Variants in APPBP2 observed in about 807,000 individuals in gnomAD.
The protein encoded by APPBP2 is amyloid protein-binding protein 2.
Under a neutral mutation model 76.0 loss-of-function variants are expected in APPBP2, and 15 were observed. That is an observed-to-expected ratio of 0.20 (90% CI 0.13 to 0.30). The LOEUF (loss-of-function observed/expected upper bound fraction) is 0.30, where lower values mean the gene tolerates loss of function less well. Ranked by LOEUF, APPBP2 falls within the 10% of genes least tolerant of loss-of-function variation. The pLI, the probability that APPBP2 is intolerant of heterozygous loss-of-function variation, is 1.00. For missense variants in APPBP2, 401 were observed against 687.2 expected, an observed-to-expected ratio of 0.58 and a Z score of 4.66; for synonymous variants, 222 against 242.2, an observed-to-expected ratio of 0.92 and a Z score of 0.77.
At chr17:60,498,255 A>G (rs181873700) in intron 2 of APPBP2, among the ~76,000 whole-genome samples, 47 of 152,308 alleles carry the variant, frequency 3.1e-4, no homozygotes, top group Admixed American at 1.2e-3. Context: ...CTAAACTTCC[A>G]AAGTGTTAAC....
At chr17:60,519,290 C>G (rs1297517851) in intron 1 of APPBP2, among the ~76,000 whole-genome samples, 1 of 152,022 alleles carries the variant, frequency 6.6e-6, no homozygotes, top group Non-Finnish European at 1.5e-5. Flanking sequence ...TTGACATTTT[C>G]ATGATTTGTA....
chr17:60,519,606 T>G (rs1478670744), intron 1 of APPBP2, among the ~76,000 whole-genome samples: 3 of 151,240 alleles, frequency 2.0e-5, no homozygotes, highest in African/African-American at 7.3e-5. Flanking sequence ...AAGGTTGCAG[T>G]GAGATATGAT....
intron 1 of APPBP2, 48 bp downstream of exon 1, chr17:60,525,746 C>T (rs1410123910): frequency 8.1e-6 from 13 of 1,608,024 alleles, no homozygotes; most frequent in Non-Finnish European, 1.0e-5. Flanking sequence ...GGGGGTGCGG[C>T]CCCCGGGGTT....
chr17:60,505,105 T>C (rs980036112), intron 1 of APPBP2, among the ~76,000 whole-genome samples: 1 of 152,190 alleles, frequency 6.6e-6, no homozygotes, highest in Non-Finnish European at 1.5e-5. Flanking sequence ...ATACAATGCT[T>C]ATATATATGG....
chr17:60,505,343 T>C (rs1215038836), intron 1 of APPBP2, among the ~76,000 whole-genome samples: 1 of 152,108 alleles, frequency 6.6e-6, no homozygotes, highest in East Asian at 1.9e-4. Flanking sequence ...TGAGACGGAG[T>C]CTCGCTCTGT....
At chr17:60,495,989 A>G (rs533139142) in intron 2 of APPBP2, among the ~76,000 whole-genome samples, 5 of 152,362 alleles carry the variant, frequency 3.3e-5, no homozygotes, top group African/African-American at 7.2e-5. Flanking sequence ...AAGCAACAAC[A>G]TGAATGAACC....
At chr17:60,522,688 C>T (rs1344634881) in intron 1 of APPBP2, among the ~76,000 whole-genome samples, 4 of 151,840 alleles carry the variant, frequency 2.6e-5, no homozygotes, top group African/African-American at 9.7e-5. Flanking sequence ...AGGATAATAC[C>T]TTAATTTATG....
intron 9 of APPBP2, among the ~76,000 whole-genome samples, chr17:60,457,556 A>T (rs370929305): frequency 7.0e-4 from 107 of 152,028 alleles, no homozygotes; most frequent in African/African-American, 2.3e-3. Context: ...CCTCCCGGAT[A>T]GGTGGGTTAC....
At chr17:60,520,231 TTTTTA>T (rs1162457171) in intron 1 of APPBP2, among the ~76,000 whole-genome samples, 5 of 152,194 alleles carry the variant, frequency 3.3e-5, no homozygotes, top group Admixed American at 2.0e-4. Flanking sequence ...ATGGTATTTA[TTTTTA>T]TTTTGTTTTT....
chr17:60,518,527 T>TGTGTGTGTGTGTGTGTGTGTGA (rs1228556905), intron 1 of APPBP2, among the ~76,000 whole-genome samples: 2 of 151,166 alleles, frequency 1.3e-5, no homozygotes, highest in African/African-American at 4.9e-5. Context: ...TGTGTGTGTG[T>TGTGTGTGTGTGTGTGTGTGTGA]GAAAGAGAGA....
intron 1 of APPBP2, among the ~76,000 whole-genome samples, chr17:60,516,512 T>C (rs1281588745): frequency 2.0e-5 from 3 of 152,208 alleles, no homozygotes; most frequent in Non-Finnish European, 1.5e-5. Flanking sequence ...ATTTCACTCA[T>C]TATCATTTGC....
rs532815918 is a variant in APPBP2, at chr17:60,479,013, G to A, written c.503+135C>T. 4.7e-5 allele frequency: 38 copies of A among 813,886 alleles called. No homozygotes were observed. In the African/African-American group the frequency reaches 5.9e-4, roughly 13 times the overall value. The allele number at this position is 813,886 out of a possible 1,614,324, so 50.4% of individuals were successfully genotyped here. Reference sequence around the variant, plus strand: ...ATATTTTAGAGATGAGAGGATGCCAGACTAGTGAAACTATGACATATAAAT... The same window carrying A: ...ATATTTTAGAGATGAGAGGATGCCAAACTAGTGAAACTATGACATATAAAT... On this transcript the variant is annotated intron_variant, in intron 4 of 12. Transcript: ENST00000083182.
Position 60,460,763 on chromosome 17 carries a change from C to G in APPBP2, c.961G>C (p.Val321Leu). 1.2e-6 allele frequency: 2 copies of G among 1,613,708 alleles called. No individual in the cohort carries two copies. The highest frequency in any genetic ancestry group is 1.7e-6 in the Non-Finnish European group (2 of 1,179,774). ...YQAALDIRQSVFGGKNIHVAT... is the reference protein window; with the variant it reads ...YQAALDIRQSLFGGKNIHVAT... ...ACGTGGATATTTTTGCCACCAAACACTGACTGTCTAATGTCAAGGGCTGCC... is the reference window on the plus strand; with the variant it reads ...ACGTGGATATTTTTGCCACCAAACAGTGACTGTCTAATGTCAAGGGCTGCC... Residue 321 changes from valine (V) to leucine (L), a missense_variant, in exon 9 of 13, where the codon GTG becomes CTG. Transcript: ENST00000083182.
At chr17:60,479,378 G>A (rs977587216) in intron 3 of APPBP2, 107 bp from the exon 4 acceptor site, 1 of 1,181,396 alleles carries the variant, frequency 8.5e-7, no homozygotes, top group African/African-American at 1.6e-5. Context: ...AACCATGATA[G>A]TAAAATCTTG....
intron 5 of APPBP2, among the ~76,000 whole-genome samples, chr17:60,465,652 G>A (rs2090505636): frequency 1.3e-5 from 2 of 152,216 alleles, no homozygotes; most frequent in South Asian, 4.1e-4. Context: ...AGGATCACCT[G>A]AGCCCAGGAG....
chr17:60,508,424 ATAGC>A (rs950945046), intron 1 of APPBP2, among the ~76,000 whole-genome samples: 8 of 152,196 alleles, frequency 5.3e-5, no homozygotes, highest in African/African-American at 1.9e-4. Context: ...TTTTGGATAA[ATAGC>A]TAAATTGAAA....
intron 12 of APPBP2, among the ~76,000 whole-genome samples, chr17:60,450,762 A>T (rs2090388393): frequency 6.7e-6 from 1 of 150,164 alleles, no homozygotes; most frequent in South Asian, 2.1e-4. Flanking sequence ...ACAGAGTAAG[A>T]TCCTGTCTCA....
intron 12 of APPBP2, 106 bp from the exon 13 acceptor site, chr17:60,447,940 G>C: frequency 9.6e-7 from 1 of 1,042,596 alleles, no homozygotes; most frequent in Non-Finnish European, 1.4e-6. Flanking sequence ...GGGTGGCTTA[G>C]GTTTATTCCC....
chr17:60,499,528 G>A (rs528087255), intron 2 of APPBP2, among the ~76,000 whole-genome samples: 1 of 152,050 alleles, frequency 6.6e-6, no homozygotes, highest in African/African-American at 2.4e-5. Flanking sequence ...AACAAAAGTA[G>A]AATTACCATA....
Sources: allele counts gnomAD v4.1 joint callset (sites outside exome capture counted in the v4.1 genomes callset), GRCh38; gene constraint gnomAD v4.1.1; transcripts MANE v1.5; gene names NCBI Gene and HGNC (gene_info 2026-07-23, HGNC 2026-07-21).